The following DEFB4B variants were observed in gnomAD, a reference collection of about 807,000 sequenced individuals.
The protein encoded by DEFB4B is beta-defensin 4B.
At chr8:7,415,571 T>C (rs2128862531) in intron 1 of DEFB4B, among the ~76,000 whole-genome samples, 1 of 151,660 alleles carries the variant, frequency 6.6e-6, no homozygotes, top group South Asian at 2.1e-4. Context: ...AATTGTTTAA[T>C]AGGAAATTAA....
intron 1 of DEFB4B, among the ~76,000 whole-genome samples, chr8:7,416,183 T>A (rs1315820897): frequency 1.3e-5 from 2 of 151,236 alleles, no homozygotes; most frequent in Non-Finnish European, 1.5e-5. Flanking sequence ...GCTGCAGTAG[T>A]TCTCACAGTA....
intron 1 of DEFB4B, among the ~76,000 whole-genome samples, chr8:7,416,243 C>T (rs146578208): frequency 1.3e-5 from 2 of 151,568 alleles, no homozygotes. Context: ...CAGTATCTAC[C>T]CTTTAAATAT....
At chr8:7,416,594 A>G (rs1443857834) in intron 1 of DEFB4B, among the ~76,000 whole-genome samples, 176 bp downstream of exon 1, 2 of 149,142 alleles carry the variant, frequency 1.3e-5, no homozygotes, top group South Asian at 2.2e-4. Context: ...GACAGAAAAA[A>G]AGAGAGAGAG....
intron 1 of DEFB4B, among the ~76,000 whole-genome samples, chr8:7,416,218 G>C (rs1473300800): frequency 1.3e-5 from 2 of 151,524 alleles, no homozygotes; most frequent in East Asian, 3.9e-4. Flanking sequence ...AGATTATCTG[G>C]AATTCTCTAG....
intron 1 of DEFB4B, among the ~76,000 whole-genome samples, chr8:7,416,283 C>G (rs1808854391): frequency 6.6e-6 from 1 of 151,698 alleles, no homozygotes; most frequent in Non-Finnish European, 1.5e-5. Context: ...TTCTATACTA[C>G]TTTCTTTAGA....
intron 1 of DEFB4B, among the ~76,000 whole-genome samples, chr8:7,415,721 C>CTCCCTCCT (rs1808816699): frequency 7.9e-6 from 1 of 126,464 alleles, no homozygotes; most frequent in Admixed American, 8.5e-5. Flanking sequence ...CCCTCCCTCC[C>CTCCCTCCT]TCCTTCCCTC....
chr8:7,415,783 G>A lies in DEFB4B; in HGVS notation c.59-686C>T, dbSNP rs563436847. Reference sequence around the variant, plus strand: ...TGCCTCCCTGCCTCCCTGCCTCCCCGCCTTCCTTCATTATACTGTTCTAGG... The same window carrying A: ...TGCCTCCCTGCCTCCCTGCCTCCCCACCTTCCTTCATTATACTGTTCTAGG... On this transcript the variant is annotated intron_variant, in intron 1 of 1. Transcript: ENST00000318157. 3.0e-3 allele frequency among the ~76,000 whole-genome samples: 413 copies of A among 137,850 alleles called. 1 individual carries two copies. The highest frequency in any genetic ancestry group is 0.017 in the South Asian group (69 of 3,956). The allele number at this position is 137,850 out of a possible 152,430, so 90.4% of individuals were successfully genotyped here.
At chr8:7,415,907 GA>G (rs1808831538) in intron 1 of DEFB4B, among the ~76,000 whole-genome samples, 1 of 147,660 alleles carries the variant, frequency 6.8e-6, no homozygotes. Flanking sequence ...GATTTCACAA[GA>G]TGATATCTAT....
intron 1 of DEFB4B, among the ~76,000 whole-genome samples, chr8:7,416,267 A>T (rs1260577703): frequency 6.6e-6 from 1 of 151,694 alleles, no homozygotes; most frequent in African/African-American, 2.4e-5. Flanking sequence ...AATTTAGAAA[A>T]TGACATTCTA....
At chr8:7,416,247 T>C (rs1451476091) in intron 1 of DEFB4B, among the ~76,000 whole-genome samples, 1 of 151,678 alleles carries the variant, frequency 6.6e-6, no homozygotes, top group African/African-American at 2.4e-5. Context: ...ATCTACCCTT[T>C]AAATATAAAA....
intron 1 of DEFB4B, among the ~76,000 whole-genome samples, chr8:7,415,713 CTCCCTCCCTCCT>C (rs1808815102): frequency 8.6e-5 from 11 of 127,840 alleles, no homozygotes; most frequent in African/African-American, 2.3e-4. Context: ...CCCTCCCTCC[CTCCCTCCCTCCT>C]TCCCTCCCTC....
At chr8:7,415,550 C>T (rs777598861) in intron 1 of DEFB4B, among the ~76,000 whole-genome samples, 3 of 151,562 alleles carry the variant, frequency 2.0e-5, no homozygotes, top group Non-Finnish European at 4.4e-5. Context: ...TAAAAAGATG[C>T]AACTTACTGA....
At chr8:7,415,606 C>A (rs1240502460) in intron 1 of DEFB4B, among the ~76,000 whole-genome samples, 1 of 151,222 alleles carries the variant, frequency 6.6e-6, no homozygotes, top group Non-Finnish European at 1.5e-5. Flanking sequence ...CAGTTGAAAA[C>A]CACAATTAAC....
chr8:7,416,368 T>C (rs1401290494), intron 1 of DEFB4B, among the ~76,000 whole-genome samples: 7 of 151,894 alleles, frequency 4.6e-5, no homozygotes, highest in East Asian at 1.9e-4. Context: ...AGTTGTAGCA[T>C]GGAAAGCAGT....
intron 1 of DEFB4B, among the ~76,000 whole-genome samples, chr8:7,416,334 A>G (rs1808857638): frequency 1.3e-5 from 2 of 151,730 alleles, no homozygotes; most frequent in African/African-American, 4.9e-5. Flanking sequence ...AAGTCACCTA[A>G]CAGGTTTCAA....
intron 1 of DEFB4B, among the ~76,000 whole-genome samples, chr8:7,416,457 A>C (rs1418559707): frequency 6.6e-6 from 1 of 151,778 alleles, no homozygotes; most frequent in East Asian, 1.9e-4. Flanking sequence ...TGGGTTCTCA[A>C]ACTCCTTTTC....
intron 1 of DEFB4B, among the ~76,000 whole-genome samples, chr8:7,415,379 G>A (rs576388646): frequency 1.3e-5 from 2 of 151,342 alleles, no homozygotes; most frequent in African/African-American, 2.4e-5. Context: ...GGGCCTCCAG[G>A]TGGGGTCTGG....
intron 1 of DEFB4B, among the ~76,000 whole-genome samples, chr8:7,415,630 T>G (rs1388846334): frequency 6.6e-6 from 1 of 150,762 alleles, no homozygotes; most frequent in Non-Finnish European, 1.5e-5. Context: ...AGAAATAAAT[T>G]TTGTAATGGC....
At chr8:7,415,724 C>CCTCCCTCA (rs942216378) in intron 1 of DEFB4B, among the ~76,000 whole-genome samples, 2 of 125,548 alleles carry the variant, frequency 1.6e-5, no homozygotes, top group African/African-American at 6.3e-5. Flanking sequence ...TCCCTCCCTC[C>CCTCCCTCA]TTCCCTCCCT....
Sources: gnomAD v4.1 joint callset for allele counts (sites outside exome capture counted in the v4.1 genomes callset) on GRCh38, gnomAD v4.1.1 for gene constraint, MANE v1.5 for transcripts, NCBI Gene and HGNC (gene_info 2026-07-23, HGNC 2026-07-21) for gene names.